GAS7: variants seen among roughly 807,000 people sequenced by gnomAD.
GAS7 encodes growth arrest-specific protein 7.
Under a neutral mutation model 71.1 loss-of-function variants are expected in GAS7, and 28 were observed. That is an observed-to-expected ratio of 0.39 (90% CI 0.29 to 0.54). GAS7 has a LOEUF of 0.54. GAS7 is among the 20% of genes least tolerant of loss of function. The pLI is 0.62. For missense variants in GAS7, 436 were observed against 627.8 expected (o/e 0.69, Z 3.27); for synonymous variants, 258 against 245.8 (o/e 1.05, Z -0.46).
chr17:9,975,538 C>T (rs550642955), intron 3 of GAS7, among the ~76,000 whole-genome samples: 1 of 151,330 alleles, frequency 6.6e-6, no homozygotes, highest in Non-Finnish European at 1.5e-5. Flanking sequence ...CTCACCCCCC[C>T]CTTTTTCCTT....
At chr17:10,176,515 T>C (rs1597836612) in intron 1 of GAS7, among the ~76,000 whole-genome samples, 1 of 152,198 alleles carries the variant, frequency 6.6e-6, no homozygotes, top group South Asian at 2.1e-4. Flanking sequence ...GCAGAATGGG[T>C]GTCACCACCC....
chr17:10,022,517 G>T (rs1256767274), intron 1 of GAS7, among the ~76,000 whole-genome samples: 1 of 152,192 alleles, frequency 6.6e-6, no homozygotes, highest in Non-Finnish European at 1.5e-5. Context: ...GGCTCAAACA[G>T]CCTTCAGTGC....
At chr17:10,006,240 G>A (rs1259744431) in intron 2 of GAS7, among the ~76,000 whole-genome samples, 2 of 151,366 alleles carry the variant, frequency 1.3e-5, no homozygotes, top group Non-Finnish European at 2.9e-5. Flanking sequence ...CTTGAAGGCA[G>A]GAATGCTGTT....
At chr17:10,044,094 G>C (rs1164711556) in intron 1 of GAS7, among the ~76,000 whole-genome samples, 2 of 152,242 alleles carry the variant, frequency 1.3e-5, no homozygotes, top group Non-Finnish European at 2.9e-5. Context: ...ACAAGCAATT[G>C]AACTTTTTCT....
chr17:9,964,084 G>A (rs1313104717), intron 4 of GAS7, among the ~76,000 whole-genome samples: 1 of 152,054 alleles, frequency 6.6e-6, no homozygotes, highest in Non-Finnish European at 1.5e-5. Flanking sequence ...TATAATAAGA[G>A]TATTTGTTTT....
chr17:9,931,964 G>A (rs1231606104), intron 9 of GAS7, among the ~76,000 whole-genome samples: 2 of 152,148 alleles, frequency 1.3e-5, no homozygotes, highest in Non-Finnish European at 2.9e-5. Flanking sequence ...CAGTAGGAAC[G>A]ACACTAGGAA....
intron 1 of GAS7, among the ~76,000 whole-genome samples, chr17:10,092,987 G>T (rs57580901): frequency 0.29 from 44,264 of 152,064 alleles, 6,897 homozygotes; most frequent in Non-Finnish European, 0.32. Context: ...AATCCGTCTT[G>T]CCATATAAGG....
chr17:10,050,037 T>C (rs984096964), intron 1 of GAS7, among the ~76,000 whole-genome samples: 1 of 152,264 alleles, frequency 6.6e-6, no homozygotes, highest in Non-Finnish European at 1.5e-5. Context: ...TATTTTCTTA[T>C]TTCTGTTTTT....
At chr17:10,132,411 G>A (rs1274409717) in intron 1 of GAS7, among the ~76,000 whole-genome samples, 2 of 152,044 alleles carry the variant, frequency 1.3e-5, no homozygotes, top group Non-Finnish European at 2.9e-5. Context: ...TTGTCTACTC[G>A]GGCCTGACTC....
At chr17:10,144,152 T>C (rs1167949132) in intron 1 of GAS7, among the ~76,000 whole-genome samples, 3 of 152,096 alleles carry the variant, frequency 2.0e-5, no homozygotes, top group Admixed American at 1.3e-4. Context: ...ACTCAAGGAC[T>C]GTGGGGTACA....
At chr17:10,019,988 C>T (rs2072200513) in intron 1 of GAS7, 91 bp from the exon 2 acceptor site, 2 of 1,252,390 alleles carry the variant, frequency 1.6e-6, no homozygotes, top group Non-Finnish European at 2.3e-6. Context: ...ATTCACCCTA[C>T]AGTAGCGTGA....
intron 2 of GAS7, among the ~76,000 whole-genome samples, chr17:9,992,286 C>T (rs1034460709): frequency 6.6e-6 from 1 of 151,966 alleles, no homozygotes; most frequent in South Asian, 2.1e-4. Context: ...TTCTAAGAGC[C>T]GCGGCTTTGA....
chr17:9,992,521 G>A (rs1011674722), intron 2 of GAS7, among the ~76,000 whole-genome samples: 2 of 151,866 alleles, frequency 1.3e-5, no homozygotes, highest in African/African-American at 2.4e-5. Context: ...AGCAGGAGTC[G>A]GGGAGGTGTT....
At chr17:10,153,146 G>T (rs2074179700) in intron 1 of GAS7, among the ~76,000 whole-genome samples, 1 of 150,182 alleles carries the variant, frequency 6.7e-6, no homozygotes, top group African/African-American at 2.5e-5. Context: ...GGAGGAGGAG[G>T]TTACACTGAG....
intron 2 of GAS7, among the ~76,000 whole-genome samples, chr17:9,998,257 T>C (rs1411422570): frequency 6.6e-6 from 1 of 152,226 alleles, no homozygotes; most frequent in Non-Finnish European, 1.5e-5. Context: ...AGACCAAATA[T>C]ATATTTCACA....
intron 2 of GAS7, among the ~76,000 whole-genome samples, chr17:9,991,543 C>T (rs983388108): frequency 2.0e-5 from 3 of 152,030 alleles, no homozygotes; most frequent in African/African-American, 7.2e-5. Flanking sequence ...GCACAGAGGG[C>T]CTGTGAAAGA....
intron 1 of GAS7, among the ~76,000 whole-genome samples, chr17:10,074,321 C>T (rs1474691074): frequency 2.0e-5 from 3 of 152,110 alleles, no homozygotes; most frequent in Non-Finnish European, 4.4e-5. Flanking sequence ...TTTATAGAGT[C>T]TATTTATACT....
intron 1 of GAS7, among the ~76,000 whole-genome samples, chr17:10,185,789 G>T (rs914297021): frequency 1.3e-5 from 2 of 152,136 alleles, no homozygotes; most frequent in African/African-American, 4.8e-5. Flanking sequence ...GTCCACTGAA[G>T]AACCCGCCTG....
At chr17:10,037,980 A>G (rs969840687) in intron 1 of GAS7, among the ~76,000 whole-genome samples, 2 of 152,198 alleles carry the variant, frequency 1.3e-5, no homozygotes, top group African/African-American at 2.4e-5. Context: ...AAGATGCTCA[A>G]TATCACTAAT....
Sources: gnomAD v4.1 joint callset for allele counts (sites outside exome capture counted in the v4.1 genomes callset) on GRCh38, gnomAD v4.1.1 for gene constraint, MANE v1.5 for transcripts, NCBI Gene and HGNC (gene_info 2026-07-23, HGNC 2026-07-21) for gene names.